The following PKIG variants were observed in gnomAD, a reference collection of about 807,000 sequenced individuals.
The protein encoded by PKIG is cAMP-dependent protein kinase inhibitor gamma.
In PKIG, 1 loss-of-function variant was observed where a neutral mutation model predicts 6.8. The observed-to-expected ratio is 0.15, with a 90% CI of 0.05 to 0.69. The LOEUF is 0.69. Among genes scored for constraint, PKIG ranks in the 30% least tolerant of loss-of-function variants. The pLI is 0.82. For synonymous variants in PKIG, 39 were observed against 43.0 expected, an observed-to-expected ratio of 0.91 and a Z score of 0.36; for missense variants, 77 against 104.0, an observed-to-expected ratio of 0.74 and a Z score of 1.13.
chr20:44,564,667 G>A (rs1367597626), intron 1 of PKIG, among the ~76,000 whole-genome samples: 1 of 152,186 alleles, frequency 6.6e-6, no homozygotes, highest in Non-Finnish European at 1.5e-5. Flanking sequence ...AGCCTCTTGA[G>A]TATCTGGGAC....
chr20:44,539,969 C>A (rs945761084), intron 1 of PKIG, among the ~76,000 whole-genome samples: 4 of 149,868 alleles, frequency 2.7e-5, no homozygotes, highest in African/African-American at 4.9e-5. Flanking sequence ...TATTTATTTA[C>A]TTTTCTTAGA....
chr20:44,578,166 C>A (rs986938809), upstream of PKIG, among the ~76,000 whole-genome samples: 1 of 151,312 alleles, frequency 6.6e-6, no homozygotes, highest in African/African-American at 2.4e-5. Context: ...CGGTGAAACC[C>A]CATCTCTACT....
At chr20:44,611,437 G>A (rs1321853755) in intron 2 of PKIG, among the ~76,000 whole-genome samples, 2 of 151,778 alleles carry the variant, frequency 1.3e-5, no homozygotes, top group Admixed American at 6.6e-5. Context: ...CTATGTACCC[G>A]TTGACCAGCT....
chr20:44,592,108 A>G (rs1266914893), intron 2 of PKIG, among the ~76,000 whole-genome samples: 1 of 152,230 alleles, frequency 6.6e-6, no homozygotes, highest in African/African-American at 2.4e-5. Flanking sequence ...TGTGATAAGC[A>G]CTTACATCCT....
At chr20:44,573,635 C>T (rs903776991) in intron 1 of PKIG, among the ~76,000 whole-genome samples, 2 of 152,196 alleles carry the variant, frequency 1.3e-5, no homozygotes, top group African/African-American at 4.8e-5. Flanking sequence ...TCTCACAGGC[C>T]TCGCCCACAC....
chr20:44,585,713 T>G (rs1363629516), intron 1 of PKIG, among the ~76,000 whole-genome samples: 1 of 152,270 alleles, frequency 6.6e-6, no homozygotes, highest in East Asian at 1.9e-4. Flanking sequence ...GAGTGGTGTT[T>G]TGTTTTTAAT....
At chr20:44,591,109 C>T (rs2065029690) in intron 2 of PKIG, among the ~76,000 whole-genome samples, 2 of 152,062 alleles carry the variant, frequency 1.3e-5, no homozygotes, top group African/African-American at 4.8e-5. Flanking sequence ...GCGGTAGGTC[C>T]AGAGGGCTAG....
Position 44,537,800 on chromosome 20 carries a change from G to A in PKIG, c.-241+5822G>A, listed in dbSNP as rs761406469. 6.0e-4 allele frequency among the ~76,000 whole-genome samples: 88 copies of A among 147,324 alleles called. 1 individual carries two copies. Among genetic ancestry groups the A allele is most frequent in the Non-Finnish European group, 8.3e-4 (56 of 67,084 alleles). ...AGGGTTTCACCATATTGGCCAGGCT[G>A]GTCTCAAACTCCTGAACTCAGATGA... On this transcript the variant is annotated intron_variant, in intron 1 of 4. Coordinates refer to the PKIG transcript ENST00000372887.
intron 2 of PKIG, among the ~76,000 whole-genome samples, chr20:44,600,116 A>G (rs1439858365): frequency 6.6e-6 from 1 of 152,230 alleles, no homozygotes; most frequent in East Asian, 1.9e-4. Context: ...TGTTGTACAC[A>G]GAGGAAATAG....
At position 44,569,808 on chromosome 20, in the gene PKIG, A is replaced by G. The variant is rs187744771; in HGVS notation, c.-240-12777A>G. On this transcript the variant is annotated intron_variant, in intron 1 of 4. Coordinates refer to the PKIG transcript ENST00000372887. The stretch of plus-strand genomic sequence containing the variant: ...TAATCCTGCTGTCCAGAGATATACA[A>G]TTTGGTGTATTGTATATCCTTTTAG... 6.6e-5 allele frequency among the ~76,000 whole-genome samples: 10 copies of G among 151,626 alleles called. No individual in the cohort carries two copies. In the East Asian group the frequency reaches 1.8e-3, roughly 27 times the overall value.
rs540642185 is a variant in PKIG, at chr20:44,618,971, C to G, written c.*607C>G. 3 of 155,324 alleles carry G rather than the reference C, an allele frequency of 1.9e-5. No individual in the cohort carries two copies. In the South Asian group the frequency reaches 6.0e-4, roughly 31 times the overall value. 9.6% of individuals were successfully genotyped at this position (155,324 alleles called of 1,614,324 possible). ...TTTTGGCTCAAAACGATCTGACCAC[C>G]TCTGCCCTGTCCACCAGGATAAGTG... On this transcript the variant is annotated 3_prime_UTR_variant, in exon 4 of 4. Coordinates refer to ENST00000372886, the MANE Select transcript of PKIG (RefSeq NM_001281445.2).
At position 44,614,292 on chromosome 20, in the gene PKIG, A is replaced by G. The variant is rs1218885291; in HGVS notation, c.-23-242A>G. On this transcript the variant is annotated intron_variant, in intron 2 of 3. Coordinates refer to ENST00000372886, the MANE Select transcript of PKIG (RefSeq NM_001281445.2). The surrounding 1 kb of genome is among the most constrained non-coding windows in gnomAD (Gnocchi z 4.6). The stretch of plus-strand genomic sequence containing the variant: ...AATAAATGTGTGTACATGTTTGTCA[A>G]TAATTTTATTTAAAGAAAAGTCTGA... The G allele has an allele frequency of 1.7e-5, 7 of 402,290 alleles. No homozygotes were observed. The highest frequency in any genetic ancestry group is 4.7e-5 in the East Asian group (1 of 21,400). 24.9% of individuals were successfully genotyped at this position (402,290 alleles called of 1,614,324 possible). A position where few individuals can be genotyped will look rare whatever the true frequency, so the allele number is the denominator to read the frequency against.
At chr20:44,595,060 A>C (rs2065063812) in intron 2 of PKIG, among the ~76,000 whole-genome samples, 1 of 152,204 alleles carries the variant, frequency 6.6e-6, no homozygotes, top group African/African-American at 2.4e-5. Context: ...GGCCAAGGCC[A>C]TTTTAGGAAG....
chr20:44,597,143 A>T (rs1248676621), intron 2 of PKIG, among the ~76,000 whole-genome samples: 1 of 152,134 alleles, frequency 6.6e-6, no homozygotes, highest in African/African-American at 2.4e-5. Flanking sequence ...GAGGACAGTG[A>T]TCATTAGCTA....
chr20:44,535,873 T>C (rs1028131047), intron 1 of PKIG, among the ~76,000 whole-genome samples: 8 of 152,232 alleles, frequency 5.3e-5, no homozygotes, highest in African/African-American at 1.7e-4. Flanking sequence ...TAGTATTAAG[T>C]GTATTCATGC....
chr20:44,612,485 C>A (rs951316665), intron 2 of PKIG, among the ~76,000 whole-genome samples: 1 of 152,110 alleles, frequency 6.6e-6, no homozygotes, highest in Non-Finnish European at 1.5e-5. Flanking sequence ...GCGAGGTAGC[C>A]AGAGTCCATG....
intron 1 of PKIG, among the ~76,000 whole-genome samples, chr20:44,555,988 G>A (rs989306221): frequency 8.5e-5 from 13 of 152,050 alleles, no homozygotes; most frequent in South Asian, 4.1e-4. Flanking sequence ...CTACAGGTGC[G>A]TGCCACCATG....
chr20:44,546,005 T>C (rs1439848187), intron 1 of PKIG, among the ~76,000 whole-genome samples: 1 of 152,018 alleles, frequency 6.6e-6, no homozygotes, highest in African/African-American at 2.4e-5. Context: ...CCCAGCACTT[T>C]GGGAGGCTGA....
chr20:44,564,627 C>T (rs2064795522), intron 1 of PKIG, among the ~76,000 whole-genome samples: 1 of 152,074 alleles, frequency 6.6e-6, no homozygotes, highest in African/African-American at 2.4e-5. Context: ...CAGCGAGAAT[C>T]AGAGCTCCTG....
Sources: gnomAD v4.1 joint callset for allele counts (sites outside exome capture counted in the v4.1 genomes callset) on GRCh38, gnomAD v4.1.1 for gene constraint, Gnocchi (gnomAD v3.1) non-coding constraint, MANE v1.5 for transcripts, NCBI Gene and HGNC (gene_info 2026-07-23, HGNC 2026-07-21) for gene names.